Variants in GALNT13 observed in about 807,000 individuals in gnomAD.
GALNT13 encodes the protein UDP-GalNAc:polypeptide N-acetylgalactosaminyltransferase 13.
A neutral mutation model predicts 64.2 loss-of-function variants in GALNT13; 28 were observed. The observed-to-expected ratio is 0.44, with a 90% confidence interval of 0.32 to 0.60. The LOEUF is 0.60. Ranked by LOEUF, GALNT13 falls within the 20% of genes least tolerant of loss-of-function variation. The pLI is 0.05. For synonymous variants in GALNT13, 214 were observed against 224.6 expected (o/e 0.95, Z 0.42); for missense variants, 577 against 669.8 (o/e 0.86, Z 1.53).
At chr2:153,073,955 G>A in the GALNT13 span, among the ~76,000 whole-genome samples, 6 of 152,156 alleles carry the variant, frequency 3.9e-5, no homozygotes, top group Admixed American at 3.9e-4. Flanking sequence ...TCATCTCATA[G>A]TGTCATTTAC....
At chr2:153,211,643 T>C in the GALNT13 span, among the ~76,000 whole-genome samples, 3 of 152,280 alleles carry the variant, frequency 2.0e-5, 1 homozygote, top group African/African-American at 7.2e-5. Flanking sequence ...TGCTTAAATG[T>C]GGGTGTCTAA....
intron 4 of GALNT13, among the ~76,000 whole-genome samples, chr2:154,225,164 A>AGATAGAT (rs1559035153): frequency 8.6e-4 from 82 of 95,776 alleles, no homozygotes; most frequent in Non-Finnish European, 1.5e-3. Context: ...GATAGATGAT[A>AGATAGAT]GATAGATAGA....
the GALNT13 span, among the ~76,000 whole-genome samples, chr2:153,806,990 G>A: frequency 7.2e-5 from 11 of 151,962 alleles, no homozygotes; most frequent in African/African-American, 2.4e-4. Context: ...TGGGGAAGGC[G>A]GAAAAGTGAA....
chr2:153,331,604 G>A, the GALNT13 span, among the ~76,000 whole-genome samples: 1 of 152,096 alleles, frequency 6.6e-6, no homozygotes, highest in Non-Finnish European at 1.5e-5. Context: ...AGTCCGGGAT[G>A]CTAGGCCAGT....
chr2:153,211,731 C>G, the GALNT13 span, among the ~76,000 whole-genome samples: 6 of 152,164 alleles, frequency 3.9e-5, no homozygotes, highest in East Asian at 1.9e-4. Flanking sequence ...TGTGTTTTGA[C>G]AAGCTGGTAA....
chr2:154,013,053 C>T (rs1696754306), intron 3 of GALNT13, among the ~76,000 whole-genome samples: 1 of 148,840 alleles, frequency 6.7e-6, no homozygotes, highest in South Asian at 2.2e-4. Context: ...TATTCTATGT[C>T]TGTCATTTCA....
At chr2:153,331,558 C>T in the GALNT13 span, among the ~76,000 whole-genome samples, 10 of 152,146 alleles carry the variant, frequency 6.6e-5, no homozygotes, top group East Asian at 1.7e-3. Context: ...GTCCAATGTT[C>T]GAGGGCAGGA....
the GALNT13 span, among the ~76,000 whole-genome samples, chr2:153,632,540 T>C: frequency 2.0e-5 from 3 of 152,140 alleles, no homozygotes; most frequent in Admixed American, 1.3e-4. Context: ...CTCCACCCCT[T>C]ATCCCCTGGA....
the GALNT13 span, among the ~76,000 whole-genome samples, chr2:153,861,986 A>G: frequency 6.6e-6 from 1 of 152,280 alleles, no homozygotes; most frequent in East Asian, 1.9e-4. Flanking sequence ...GGGAGGAAGT[A>G]CTATTTTCAG....
rs187552278 is a variant in GALNT13, at chr2:154,079,819, A to G, written c.143-60518A>G. 1.3e-4 allele frequency among the ~76,000 whole-genome samples: 19 copies of G among 151,808 alleles called. No homozygotes were observed. The East Asian group carries it at 3.7e-3, about 29-fold the overall frequency. ...AGGCATTATGATTACTACTTTTCTT[A>G]TTAATAATCATCATCGAACATAGAA... On this transcript the variant is annotated intron_variant, in intron 3 of 12. Transcript: ENST00000392825.
chr2:153,179,252 A>G, the GALNT13 span, among the ~76,000 whole-genome samples: 1 of 152,188 alleles, frequency 6.6e-6, no homozygotes, highest in African/African-American at 2.4e-5. Context: ...ATTCTTTTGC[A>G]TATCCATATT....
At chr2:154,106,237 TATTTACA>T (rs1702609436) in intron 3 of GALNT13, among the ~76,000 whole-genome samples, 1 of 152,196 alleles carries the variant, frequency 6.6e-6, no homozygotes, top group South Asian at 2.1e-4. Flanking sequence ...TTTGTTGGTA[TATTTACA>T]AACTCATAAT....
At chr2:154,084,899 A>G (rs1042993433) in intron 3 of GALNT13, among the ~76,000 whole-genome samples, 1 of 151,954 alleles carries the variant, frequency 6.6e-6, no homozygotes, top group African/African-American at 2.4e-5. Context: ...GGAAATTTCT[A>G]TATTCTCTTT....
At chr2:153,740,509 T>C in the GALNT13 span, among the ~76,000 whole-genome samples, 1 of 152,116 alleles carries the variant, frequency 6.6e-6, no homozygotes, top group African/African-American at 2.4e-5. Flanking sequence ...TTTAAAGTTT[T>C]TGTGTGCCAA....
chr2:153,411,351 G>A, the GALNT13 span, among the ~76,000 whole-genome samples: 6 of 152,226 alleles, frequency 3.9e-5, no homozygotes, highest in African/African-American at 1.4e-4. Flanking sequence ...ATACATTTCA[G>A]TGAATTAGGA....
At position 153,897,588 on chromosome 2, in the gene GALNT13, T is replaced by A. The variant is rs563746532; in HGVS notation, c.-176-3348T>A. On this transcript the variant is annotated intron_variant, in intron 1 of 12. Transcript: ENST00000392825. ...AATTAATAAGTAATTTGTGGGAAGA[T>A]ACTTTTAGACTGGAAATACCATGTT... is the stretch of plus-strand genomic sequence containing the variant. Among the ~76,000 whole-genome samples the A allele has an allele frequency of 2.6e-5, 4 of 152,246 alleles. 1 individual carries two copies. In the South Asian group the frequency reaches 8.3e-4, roughly 32 times the overall value.
At chr2:153,310,037 A>G in the GALNT13 span, among the ~76,000 whole-genome samples, 2 of 152,198 alleles carry the variant, frequency 1.3e-5, no homozygotes, top group Non-Finnish European at 2.9e-5. Flanking sequence ...TTTTTGCAGC[A>G]AATCTAATAC....
the GALNT13 span, among the ~76,000 whole-genome samples, chr2:153,097,004 T>C: frequency 6.6e-6 from 1 of 152,082 alleles, no homozygotes; most frequent in African/African-American, 2.4e-5. Flanking sequence ...ATATGATTTA[T>C]TTTTTTGCTT....
chr2:153,553,084 A>C, the GALNT13 span, among the ~76,000 whole-genome samples: 1 of 152,184 alleles, frequency 6.6e-6, no homozygotes, highest in South Asian at 2.1e-4. Flanking sequence ...TAATTGTTGA[A>C]CTGGAGTTAT....
Sources: allele counts gnomAD v4.1 joint callset (sites outside exome capture counted in the v4.1 genomes callset), GRCh38; gene constraint gnomAD v4.1.1; transcripts MANE v1.5; gene names NCBI Gene and HGNC (gene_info 2026-07-23, HGNC 2026-07-21).